The following KAZN variants were observed in gnomAD, a reference collection of about 807,000 sequenced individuals.
The protein encoded by KAZN is kazrin.
In KAZN, 40 loss-of-function variants were observed where a neutral mutation model predicts 87.4. That is an observed-to-expected ratio of 0.46 (90% CI 0.36 to 0.60). The LOEUF (loss-of-function observed/expected upper bound fraction) is 0.60. KAZN is among the 20% of genes least tolerant of loss of function. The probability of loss-of-function intolerance (pLI) is 0.00; values close to 1 mark genes in which losing one functional copy is unlikely to be tolerated. For missense variants in KAZN, 898 were observed against 1,073.9 expected, an observed-to-expected ratio of 0.84 and a Z score of 2.29; for synonymous variants, 466 against 458.3, an observed-to-expected ratio of 1.02 and a Z score of -0.22.
At chr1:14,375,650 G>T (rs1187528937) in intron 2 of KAZN, among the ~76,000 whole-genome samples, 3 of 152,176 alleles carry the variant, frequency 2.0e-5, no homozygotes, top group Admixed American at 1.3e-4. Flanking sequence ...ACTTTGGGAG[G>T]CCGAGGTGGG....
At chr1:14,670,439 G>A (rs1215768852) in intron 1 of KAZN, among the ~76,000 whole-genome samples, 2 of 152,158 alleles carry the variant, frequency 1.3e-5, no homozygotes, top group Non-Finnish European at 2.9e-5. Flanking sequence ...TTCCTAACAC[G>A]TACCTAGGTG....
At chr1:13,988,080 G>T (rs1231923193) in intron 1 of KAZN, among the ~76,000 whole-genome samples, 1 of 152,118 alleles carries the variant, frequency 6.6e-6, no homozygotes, top group Non-Finnish European at 1.5e-5. Context: ...ACCTTCTATT[G>T]TACTTCACCT....
chr1:14,393,386 G>A (rs983506539), intron 2 of KAZN, among the ~76,000 whole-genome samples: 1 of 152,126 alleles, frequency 6.6e-6, no homozygotes, highest in Non-Finnish European at 1.5e-5. Flanking sequence ...AAGAATAAAA[G>A]CATAAAATAA....
At chr1:14,744,931 T>G (rs1273801976) in intron 1 of KAZN, among the ~76,000 whole-genome samples, 1 of 152,148 alleles carries the variant, frequency 6.6e-6, no homozygotes, top group Non-Finnish European at 1.5e-5. Flanking sequence ...ATCACTGCCC[T>G]GGCTCCTTGC....
At chr1:14,261,711 C>T (rs1480498643) in intron 2 of KAZN, among the ~76,000 whole-genome samples, 1 of 152,148 alleles carries the variant, frequency 6.6e-6, no homozygotes, top group East Asian at 1.9e-4. Flanking sequence ...GATTGGTATT[C>T]ATCTTGGAAA....
At chr1:14,554,822 T>G (rs1011397160) in intron 2 of KAZN, among the ~76,000 whole-genome samples, 8 of 152,206 alleles carry the variant, frequency 5.3e-5, no homozygotes, top group Non-Finnish European at 1.2e-4. Flanking sequence ...TTCCCTATGA[T>G]AACAGATCGT....
chr1:14,610,261 G>T lies in KAZN; in HGVS notation c.226+11038G>T, dbSNP rs995777975. 4.6e-5 allele frequency among the ~76,000 whole-genome samples: 7 copies of T among 152,164 alleles called. No homozygotes were observed. In the East Asian group the frequency reaches 7.7e-4, roughly 17 times the overall value. On this transcript the variant is annotated intron_variant, in intron 1 of 14. Transcript: ENST00000376030. The stretch of plus-strand genomic sequence containing the variant: ...CTCATTCTGTCACCCAGGTTGGAGT[G>T]CAGTGGCACAATCTCTGCTCACTGC...
At chr1:15,110,301 A>G (rs925689628) in intron 13 of KAZN, among the ~76,000 whole-genome samples, 18 of 146,976 alleles carry the variant, frequency 1.2e-4, no homozygotes, top group African/African-American at 4.3e-4. Context: ...GTGTATATGT[A>G]TGTGTGTATT....
intron 2 of KAZN, among the ~76,000 whole-genome samples, chr1:14,242,438 G>A (rs1557587778): frequency 1.3e-5 from 2 of 152,010 alleles, no homozygotes; most frequent in African/African-American, 4.8e-5. Context: ...CACTTCTTAA[G>A]GTGAAAGAGA....
intron 1 of KAZN, among the ~76,000 whole-genome samples, chr1:13,907,872 G>T (rs796108198): frequency 3.3e-4 from 51 of 152,298 alleles, no homozygotes; most frequent in African/African-American, 1.2e-3. Context: ...CCCCTGTTGG[G>T]TGAGGTTATA....
intron 2 of KAZN, among the ~76,000 whole-genome samples, chr1:14,300,533 G>A (rs1654475979): frequency 6.6e-6 from 1 of 152,198 alleles, no homozygotes; most frequent in South Asian, 2.1e-4. Flanking sequence ...ACTGTGCTCA[G>A]CCGGATTTTA....
intron 1 of KAZN, among the ~76,000 whole-genome samples, chr1:14,947,223 G>A (rs530216350): frequency 4.6e-5 from 7 of 152,354 alleles, no homozygotes; most frequent in African/African-American, 7.2e-5. Flanking sequence ...TAACTAATGC[G>A]CGGCCTTCCT....
intron 2 of KAZN, among the ~76,000 whole-genome samples, chr1:14,354,443 A>T (rs1369387958): frequency 2.6e-5 from 4 of 152,176 alleles, no homozygotes. Context: ...CAGAATATGT[A>T]AAAAATGCTT....
intron 2 of KAZN, among the ~76,000 whole-genome samples, chr1:14,962,600 T>C (rs1022342478): frequency 6.6e-5 from 10 of 152,210 alleles, no homozygotes; most frequent in African/African-American, 2.4e-4. Context: ...CAAGTGCTGC[T>C]GGGCTCAGGC....
At chr1:15,044,426 C>T (rs1451709803) in intron 4 of KAZN, among the ~76,000 whole-genome samples, 1 of 152,156 alleles carries the variant, frequency 6.6e-6, no homozygotes, top group Non-Finnish European at 1.5e-5. Flanking sequence ...TGGGAAACCA[C>T]TCACTCCTCC....
intron 1 of KAZN, among the ~76,000 whole-genome samples, chr1:14,080,579 C>G (rs1319531809): frequency 6.6e-6 from 1 of 152,190 alleles, no homozygotes. Flanking sequence ...GGGTGACATA[C>G]CAGGCTCCTT....
intron 1 of KAZN, among the ~76,000 whole-genome samples, chr1:14,847,340 G>A (rs995522618): frequency 6.6e-6 from 1 of 152,156 alleles, no homozygotes; most frequent in Non-Finnish European, 1.5e-5. Flanking sequence ...GACTGCAGCC[G>A]AGGCCTGTGA....
intron 1 of KAZN, among the ~76,000 whole-genome samples, chr1:14,145,821 T>A (rs1645336968): frequency 6.6e-6 from 1 of 152,208 alleles, no homozygotes; most frequent in African/African-American, 2.4e-5. Context: ...CCTCAGATGA[T>A]CCACTTGCCT....
chr1:15,054,315 G>A (rs1674711413), intron 4 of KAZN, among the ~76,000 whole-genome samples: 1 of 152,088 alleles, frequency 6.6e-6, no homozygotes, highest in South Asian at 2.1e-4. Context: ...GGACCCCTGG[G>A]CCTCTCCCTG....
Sources: allele counts gnomAD v4.1 joint callset (sites outside exome capture counted in the v4.1 genomes callset), GRCh38; gene constraint gnomAD v4.1.1; transcripts MANE v1.5; gene names NCBI Gene and HGNC (gene_info 2026-07-23, HGNC 2026-07-21).